Variants in AGFG1 observed in about 807,000 individuals in gnomAD.
AGFG1 encodes ArfGAP with FG repeats 1, also known as arf-GAP domain and FG repeat-containing protein 1.
Under a neutral mutation model 60.6 loss-of-function variants are expected in AGFG1, and 10 were observed. The ratio of observed to expected loss-of-function variants is 0.16; its 90% CI spans 0.10 to 0.28. AGFG1 has a LOEUF of 0.28. AGFG1 is among the 10% of genes least tolerant of loss of function. The pLI is 1.00. For missense variants in AGFG1, 537 were observed against 676.5 expected (o/e 0.79, Z 2.29); for synonymous variants, 247 against 242.9 (o/e 1.02, Z -0.16).
intron 2 of AGFG1, among the ~76,000 whole-genome samples, chr2:227,500,588 C>A (rs1277532655): frequency 6.6e-6 from 1 of 152,150 alleles, no homozygotes; most frequent in Non-Finnish European, 1.5e-5. Flanking sequence ...CCTCCTCCAA[C>A]ATTATTATGG....
chr2:227,519,080 T>C (rs1490348442), intron 2 of AGFG1, among the ~76,000 whole-genome samples: 3 of 152,134 alleles, frequency 2.0e-5, no homozygotes, highest in Non-Finnish European at 4.4e-5. Flanking sequence ...GAGGCTGAAG[T>C]GGGAGGATGG....
chr2:227,472,526 C>G lies in AGFG1; in HGVS notation c.105C>G (p.Arg35=), dbSNP rs1465710017. ...GAAAGTGCTTCGACTGCGACCAGCGCGGCCCCACCTACGTTAACATGACGG... is the reference window on the plus strand; with the variant it reads ...GAAAGTGCTTCGACTGCGACCAGCGGGGCCCCACCTACGTTAACATGACGG... ...HNRKCFDCDQ[R]GPTYVNMTVG... is the part of the protein sequence containing the mutation. Residue 35 remains arginine (R), a synonymous_variant, in exon 1 of 13, where the codon CGC becomes CGG. Transcript: ENST00000310078. 1.9e-6 allele frequency: 3 copies of G among 1,582,744 alleles called. No individual in the cohort carries two copies. The highest frequency in any genetic ancestry group is 2.6e-6 in the Non-Finnish European group (3 of 1,164,352).
At position 227,554,857 on chromosome 2, in the gene AGFG1, A is replaced by C. The variant is rs1692926338; in HGVS notation, c.*362A>C. Reference sequence around the variant, plus strand: ...AACACATTGTTATGTGAGAAATGTTACTGGGGAAATAGATCAGCCACTTTT... The same window carrying C: ...AACACATTGTTATGTGAGAAATGTTCCTGGGGAAATAGATCAGCCACTTTT... On this transcript the variant is annotated 3_prime_UTR_variant, in exon 13 of 13. Coordinates refer to ENST00000310078, the MANE Select transcript of AGFG1 (RefSeq NM_004504.5). 6.2e-6 allele frequency: 1 copy of C among 161,284 alleles called. No individual in the cohort carries two copies. The highest frequency in any genetic ancestry group is 1.4e-5 in the Non-Finnish European group (1 of 73,696). The allele number at this position is 161,284 out of a possible 1,614,324, so 10.0% of individuals were successfully genotyped here. A position where few individuals can be genotyped will look rare whatever the true frequency, so the allele number is the denominator to read the frequency against.
At chr2:227,479,926 G>T (rs1258092072) in intron 1 of AGFG1, among the ~76,000 whole-genome samples, 1 of 152,160 alleles carries the variant, frequency 6.6e-6, no homozygotes, top group Non-Finnish European at 1.5e-5. Flanking sequence ...GAAATACAGA[G>T]AATTAATTTT....
intron 10 of AGFG1, among the ~76,000 whole-genome samples, chr2:227,544,059 C>A (rs574026365): frequency 1.3e-5 from 2 of 151,818 alleles, no homozygotes; most frequent in African/African-American, 4.8e-5. Flanking sequence ...TATTTTGAGC[C>A]TATGTATGTC....
Position 227,472,594 on chromosome 2 carries a change from T to TGCGGGGCG in AGFG1, c.167+9_167+16dup, listed in dbSNP as rs748257801. On this transcript the variant is annotated splice_region_variant and intron_variant, in intron 1 of 12. Coordinates refer to ENST00000310078, the MANE Select transcript of AGFG1 (RefSeq NM_004504.5). ...ACCTCCTGCTCCGGCAGCCTGTGAGTGCGGGGCGGCCGGGCGGGTGTCGGG... is the reference window on the plus strand; with the variant it reads ...ACCTCCTGCTCCGGCAGCCTGTGAGTGCGGGGCGGCGGGGCGGCCGGGCGGGTGTCGGG... The TGCGGGGCG allele has an allele frequency of 6.4e-7, 1 of 1,560,452 alleles. No homozygotes were observed. The highest frequency in any genetic ancestry group is 8.7e-7 in the Non-Finnish European group (1 of 1,152,750).
At chr2:227,544,952 C>T (rs993632274) in intron 10 of AGFG1, among the ~76,000 whole-genome samples, 2 of 152,120 alleles carry the variant, frequency 1.3e-5, no homozygotes, top group African/African-American at 4.8e-5. Context: ...TTGCTGTTCT[C>T]AGGGATTATC....
rs779899691 is a variant in AGFG1, at chr2:227,472,385, CCCGGCCCTG to C, written c.-30_-22del. 1.3e-4 allele frequency: 179 copies of C among 1,329,808 alleles called. No individual in the cohort carries two copies. Among genetic ancestry groups the C allele is most frequent in the Non-Finnish European group, 1.7e-4 (175 of 1,022,628 alleles). The allele number at this position is 1,329,808 out of a possible 1,614,324, so 82.4% of individuals were successfully genotyped here. A position where few individuals can be genotyped will look rare whatever the true frequency, so the allele number is the denominator to read the frequency against. On this transcript the variant is annotated 5_prime_UTR_variant, in exon 1 of 13. Transcript: ENST00000310078. ...GCCCCCGGCGCAGCGCTGCCCGGCT[CCCGGCCCTG>C]CCGGCCTCCTCCCTTGGCGCCGCGG... is the stretch of plus-strand genomic sequence containing the variant.
rs776035320 is a variant in AGFG1 at position 227,553,709 on chromosome 2, G to A, written c.1543G>A (p.Gly515Ser). 5 of 1,613,404 alleles carry A rather than the reference G, an allele frequency of 3.1e-6. No individual in the cohort carries two copies. In the Admixed American group the frequency reaches 6.7e-5, roughly 22 times the overall value. The change falls in exon 12 of 13, where the codon GGT (glycine) becomes AGT (serine). Residue 515 changes from glycine (G) to serine (S), a missense_variant. Transcript: ENST00000310078. ...TAFSQQPNGA[G>S]FAAFGQTKPV... is the part of the protein sequence containing the mutation. ...GGTGGTTCTATTTTAACAAGGTGCA[G>A]GTTTTGCAGCATTTGGACAAACAAA...
intron 5 of AGFG1, among the ~76,000 whole-genome samples, chr2:227,530,043 A>G (rs547677966): frequency 2.6e-5 from 4 of 152,276 alleles, no homozygotes; most frequent in South Asian, 2.1e-4. Context: ...TTTGCGTCCT[A>G]TGATCTATCT....
chr2:227,472,821 C>T (rs1332632672), intron 1 of AGFG1, among the ~76,000 whole-genome samples: 1 of 135,488 alleles, frequency 7.4e-6, no homozygotes, highest in Non-Finnish European at 1.6e-5. Context: ...CGAGGGTTTA[C>T]GTTCTGGGCA....
intron 4 of AGFG1, 125 bp downstream of exon 4, chr2:227,524,050 G>C: frequency 1.0e-6 from 1 of 968,216 alleles, no homozygotes; most frequent in Non-Finnish European, 1.5e-6. Flanking sequence ...CCAATGGTTT[G>C]TTATACATTA....
chr2:227,477,641 C>T (rs1196197974), intron 1 of AGFG1, among the ~76,000 whole-genome samples: 3 of 152,026 alleles, frequency 2.0e-5, no homozygotes, highest in Non-Finnish European at 2.9e-5. Context: ...GAGTTTCACT[C>T]GTCACCCAGG....
intron 5 of AGFG1, among the ~76,000 whole-genome samples, chr2:227,527,379 TTATG>T (rs1168439510): frequency 2.0e-5 from 3 of 152,224 alleles, no homozygotes; most frequent in South Asian, 4.1e-4. Context: ...ACATATACAC[TTATG>T]TATGTATGTT....
intron 2 of AGFG1, among the ~76,000 whole-genome samples, chr2:227,505,180 T>C (rs1275248625): frequency 6.7e-6 from 1 of 148,326 alleles, no homozygotes; most frequent in African/African-American, 2.5e-5. Flanking sequence ...ATAATACTCT[T>C]TTTTGAAATT....
intron 1 of AGFG1, among the ~76,000 whole-genome samples, chr2:227,479,001 A>G (rs892928070): frequency 3.3e-5 from 5 of 152,210 alleles, no homozygotes; most frequent in Admixed American, 1.3e-4. Context: ...TACCAACTAT[A>G]TTACCAAATA....
At chr2:227,505,918 A>G (rs1691299778) in intron 2 of AGFG1, among the ~76,000 whole-genome samples, 1 of 151,990 alleles carries the variant, frequency 6.6e-6, no homozygotes, top group African/African-American at 2.4e-5. Flanking sequence ...TTGTATTTTT[A>G]GTAGAGACAG....
rs1054969346 is a variant in AGFG1 at position 227,557,311 on chromosome 2, C to T, written c.*2816C>T. ...TTTGTGAAAATAGAGTTTTGGTAATCACTTTCTTCCTCAAAATAAGTCCTT... is the reference window on the plus strand; with the variant it reads ...TTTGTGAAAATAGAGTTTTGGTAATTACTTTCTTCCTCAAAATAAGTCCTT... On this transcript the variant is annotated 3_prime_UTR_variant, in exon 13 of 13. Coordinates refer to ENST00000310078, the MANE Select transcript of AGFG1 (RefSeq NM_004504.5). The T allele has an allele frequency of 4.6e-5, 7 of 152,110 alleles. No individual in the cohort carries two copies. Among genetic ancestry groups the T allele is most frequent in the Non-Finnish European group, 8.8e-5 (6 of 68,020 alleles). 9.4% of individuals were successfully genotyped at this position (152,110 alleles called of 1,614,324 possible). A position where few individuals can be genotyped will look rare whatever the true frequency, so the allele number is the denominator to read the frequency against.
intron 2 of AGFG1, among the ~76,000 whole-genome samples, chr2:227,499,342 A>G (rs1356920642): frequency 1.3e-5 from 2 of 151,992 alleles, no homozygotes; most frequent in Non-Finnish European, 2.9e-5. Context: ...TATTGCTTAT[A>G]AAGGATTGGA....
Sources: allele counts gnomAD v4.1 joint callset (sites outside exome capture counted in the v4.1 genomes callset), GRCh38; gene constraint gnomAD v4.1.1; transcripts MANE v1.5; gene names NCBI Gene and HGNC (gene_info 2026-07-23, HGNC 2026-07-21).